NCAPD3: variants seen among roughly 807,000 people sequenced by gnomAD.
NCAPD3 encodes non-SMC condensin II complex subunit D3.
A neutral mutation model predicts 182.9 loss-of-function variants in NCAPD3; 105 were observed. That is an observed-to-expected ratio of 0.57 (90% CI 0.49 to 0.68). NCAPD3 has a LOEUF of 0.68. NCAPD3 is among the 30% of genes least tolerant of loss of function. The pLI is 0.00. For synonymous variants in NCAPD3, 815 were observed against 679.9 expected (o/e 1.20, Z -3.09); for missense variants, 1,944 against 1,837.0 (o/e 1.06, Z -1.07).
chr11:134,186,231 C>CT (rs1294515872), intron 16 of NCAPD3: 1 of 152,190 alleles, frequency 6.6e-6, no homozygotes, highest in African/African-American at 2.4e-5. Context: ...GGGTCTCACT[C>CT]TGTCACCCAG....
chr11:134,188,164 C>T (rs1035198499), intron 16 of NCAPD3, among the ~76,000 whole-genome samples: 3 of 152,188 alleles, frequency 2.0e-5, no homozygotes, highest in Non-Finnish European at 4.4e-5. Flanking sequence ...CACCAATCAG[C>T]ACTCTGTGCC....
Position 134,206,188 on chromosome 11 carries a change from G to A in NCAPD3, c.1016+411C>T, listed in dbSNP as rs565771710. On this transcript the variant is annotated intron_variant, in intron 8 of 34. Transcript: ENST00000534548. ...TCTACAGAGGGAAAGGAATAGAAAA[G>A]TGCAAAGAAACAAGAAGAAAGTGGC... Among the ~76,000 whole-genome samples the A allele has an allele frequency of 8.5e-5, 13 of 152,302 alleles. No homozygotes were observed. In the South Asian group the frequency reaches 2.7e-3, roughly 32 times the overall value.
upstream of NCAPD3, chr11:134,225,455 G>A (rs769606558): frequency 1.7e-4 from 185 of 1,067,188 alleles, 1 homozygote; most frequent in Non-Finnish European, 2.2e-4. Context: ...CTTGTCAACT[G>A]CAGTCTGAGG....
Position 134,158,386 on chromosome 11 carries a change from G to A in NCAPD3, c.3977C>T (p.Ala1326Val). The change falls in exon 30 of 35, where the codon GCA (alanine) becomes GTA (valine). Residue 1326 changes from alanine (A) to valine (V), a missense_variant. By Grantham distance (64) the Ala-to-Val change is moderately conservative. Around this residue, in one of 3 missense-constraint regions of NCAPD3, gnomAD observed 1,803 missense variants for 1,674.6 expected, o/e 1.08. Transcript: ENST00000534548. ...TGTTTCAGGTGTAGGAGATGATACTGCTACATGGCCAGCACTTGCCCTGGG... is the reference window on the plus strand; with the variant it reads ...TGTTTCAGGTGTAGGAGATGATACTACTACATGGCCAGCACTTGCCCTGGG... ...CTPRASAGHV[A>V]VSSPTPETGP... 6.2e-7 allele frequency: 1 copy of A among 1,614,218 alleles called. No individual in the cohort carries two copies. Among genetic ancestry groups the A allele is most frequent in the Non-Finnish European group, 8.5e-7 (1 of 1,180,040 alleles).
At chr11:134,161,723 G>A (rs1943586009) in intron 28 of NCAPD3, 58 bp downstream of exon 28, 1 of 1,023,658 alleles carries the variant, frequency 9.8e-7, no homozygotes, top group Admixed American at 2.1e-5. Flanking sequence ...ACTGGCAGAA[G>A]ATCCTAAGTA....
chr11:134,205,199 A>C (rs1427605417), intron 8 of NCAPD3, among the ~76,000 whole-genome samples: 2 of 152,232 alleles, frequency 1.3e-5, no homozygotes, highest in Non-Finnish European at 2.9e-5. Flanking sequence ...GTCATCAGGT[A>C]AGAACAAAAA....
intron 27 of NCAPD3, among the ~76,000 whole-genome samples, chr11:134,163,343 C>T (rs1335558966): frequency 6.6e-6 from 1 of 152,102 alleles, no homozygotes; most frequent in Non-Finnish European, 1.5e-5. Context: ...TCCTGCCACC[C>T]CTCACAGTCA....
rs766436718 is a variant in NCAPD3, at chr11:134,153,375, G to C, written c.4253-12C>G. On this transcript the variant is annotated splice_polypyrimidine_tract_variant and intron_variant, in intron 32 of 34. Coordinates refer to ENST00000534548, the MANE Select transcript of NCAPD3 (RefSeq NM_015261.3). ...ATCACTGATGCTCTCTGCATAAAGAGGAGACACCACTGAGTGAAAGCCGCG... is the reference window on the plus strand; with the variant it reads ...ATCACTGATGCTCTCTGCATAAAGACGAGACACCACTGAGTGAAAGCCGCG... 12 of 1,613,696 alleles carry C rather than the reference G, an allele frequency of 7.4e-6. No homozygotes were observed. The highest frequency in any genetic ancestry group is 6.7e-5 in the Admixed American group (4 of 59,992).
At chr11:134,210,475 G>A in intron 3 of NCAPD3, 21 bp from the exon 4 acceptor site, 3 of 1,597,868 alleles carry the variant, frequency 1.9e-6, no homozygotes, top group Non-Finnish European at 2.6e-6. Context: ...GGAATAAAGA[G>A]TAAGCAAGTT....
intron 27 of NCAPD3, among the ~76,000 whole-genome samples, chr11:134,164,723 C>T (rs556236685): frequency 2.1e-5 from 3 of 143,230 alleles, no homozygotes; most frequent in South Asian, 2.3e-4. Flanking sequence ...CACTCACTTG[C>T]GACATGAGTT....
chr11:134,216,928 C>G lies in NCAPD3; in HGVS notation c.382+8G>C, dbSNP rs1156541834. 1.2e-6 allele frequency: 2 copies of G among 1,604,814 alleles called. No individual in the cohort carries two copies. The highest frequency in any genetic ancestry group is 2.7e-5 in the African/African-American group (2 of 74,478). On this transcript the variant is annotated splice_region_variant and intron_variant, in intron 3 of 34. Coordinates refer to ENST00000534548, the MANE Select transcript of NCAPD3 (RefSeq NM_015261.3). Reference sequence around the variant, plus strand: ...GAAGATTTATCCTATCATATCAGGTCTACATACCTGGTACTTCTAGTAGCA... The same window carrying G: ...GAAGATTTATCCTATCATATCAGGTGTACATACCTGGTACTTCTAGTAGCA...
intron 24 of NCAPD3, chr11:134,173,769 G>C (rs949108427): frequency 2.6e-5 from 4 of 152,322 alleles, no homozygotes; most frequent in Non-Finnish European, 5.9e-5. Context: ...GGGGTGGAGG[G>C]GACTACAGGC....
chr11:134,158,260 T>C, intron 30 of NCAPD3, 69 bp downstream of exon 30: 3 of 1,583,950 alleles, frequency 1.9e-6, no homozygotes, highest in Non-Finnish European at 2.6e-6. Context: ...CGCTTGGGAA[T>C]GGCAGGGACG....
At chr11:134,156,379 G>A (rs935842605) in intron 32 of NCAPD3, among the ~76,000 whole-genome samples, 1 of 152,190 alleles carries the variant, frequency 6.6e-6, no homozygotes, top group African/African-American at 2.4e-5. Context: ...ACAGATTTAG[G>A]ACAGGAAGCA....
chr11:134,203,119 T>C (rs1944783476), intron 12 of NCAPD3, 23 bp downstream of exon 12: 2 of 1,508,782 alleles, frequency 1.3e-6, no homozygotes, highest in East Asian at 2.3e-5. Flanking sequence ...CATTCAATAT[T>C]TGAAAATGTA....
intron 27 of NCAPD3, among the ~76,000 whole-genome samples, chr11:134,164,906 GC>G: frequency 6.6e-6 from 1 of 151,406 alleles, no homozygotes; most frequent in African/African-American, 2.4e-5. Flanking sequence ...AGGGGGAGCT[GC>G]ACACTCACTT....
rs1187863889 is a variant in NCAPD3 at position 134,185,307 on chromosome 11, A to G, written c.2237+28T>C. 3.2e-6 allele frequency: 5 copies of G among 1,558,598 alleles called. No individual in the cohort carries two copies. The African/African-American group carries it at 6.9e-5, about 21-fold the overall frequency. On this transcript the variant is annotated intron_variant, in intron 17 of 34. Coordinates refer to ENST00000534548, the MANE Select transcript of NCAPD3 (RefSeq NM_015261.3). Reference sequence around the variant, plus strand: ...TTTGTTTCTAAGACTCTTCAGTGTCATTACTGGTTAAATTAGAAGATACAA... The same window carrying G: ...TTTGTTTCTAAGACTCTTCAGTGTCGTTACTGGTTAAATTAGAAGATACAA...
At position 134,202,839 on chromosome 11, in the gene NCAPD3, C is replaced by T; in HGVS notation, c.1592G>A (p.Ser531Asn). 1 of 1,608,740 alleles carries T rather than the reference C, an allele frequency of 6.2e-7. No homozygotes were observed. Among genetic ancestry groups the T allele is most frequent in the Non-Finnish European group, 8.5e-7 (1 of 1,178,478 alleles). Reference sequence around the variant, plus strand: ...ACCTCCAGATCCAACTGTTTCACCACTGCTGTCTATGTTGATCTCCCCTGA... The same window carrying T: ...ACCTCCAGATCCAACTGTTTCACCATTGCTGTCTATGTTGATCTCCCCTGA... The part of the protein sequence containing the change: ...EPSGEINIDS[S>N]GETVGSGERC... Residue 531 changes from serine (S) to asparagine (N), a missense_variant, in exon 13 of 35, where the codon AGT (serine) becomes AAT (asparagine). Physicochemically the swap from Ser to Asn is conservative, Grantham distance 46. Around this residue, in one of 3 missense-constraint regions of NCAPD3, gnomAD observed 1,803 missense variants for 1,674.6 expected, o/e 1.08. Transcript: ENST00000534548.
At chr11:134,165,164 TGAG>T (rs149038551) in intron 27 of NCAPD3, among the ~76,000 whole-genome samples, 58 of 143,998 alleles carry the variant, frequency 4.0e-4, no homozygotes, top group East Asian at 8.5e-4. Flanking sequence ...TGAGATGAGC[TGAG>T]GAGGAGCTGC....
Sources: allele counts gnomAD v4.1 joint callset (sites outside exome capture counted in the v4.1 genomes callset), GRCh38; gene constraint gnomAD v4.1.1; regional missense constraint gnomAD v4.1.1; transcripts MANE v1.5; gene names NCBI Gene and HGNC (gene_info 2026-07-23, HGNC 2026-07-21).